Variants in RBFOX1 observed in about 807,000 individuals in gnomAD.
The protein encoded by RBFOX1 is RNA binding fox-1 homolog 1.
Under a neutral mutation model 57.7 loss-of-function variants are expected in RBFOX1, and 8 were observed. The ratio of observed to expected loss-of-function variants is 0.14; its 90% confidence interval spans 0.08 to 0.25. RBFOX1 has a LOEUF of 0.25. Among genes scored for constraint, RBFOX1 ranks in the 10% least tolerant of loss-of-function variants. The pLI is 1.00. For synonymous variants in RBFOX1, 326 were observed against 222.4 expected (o/e 1.47, Z -4.15); for missense variants, 611 against 548.5 (o/e 1.11, Z -1.14).
At chr16:7,662,745 C>G (rs1020899248) in intron 12 of RBFOX1, among the ~76,000 whole-genome samples, 2 of 152,306 alleles carry the variant, frequency 1.3e-5, no homozygotes, top group Admixed American at 6.5e-5. Flanking sequence ...ATGGTGACCT[C>G]GTTAGAGCTA....
chr16:7,184,153 A>T (rs1216446403), intron 4 of RBFOX1, among the ~76,000 whole-genome samples: 1 of 152,206 alleles, frequency 6.6e-6, no homozygotes, highest in East Asian at 1.9e-4. Flanking sequence ...TTTGAAGATC[A>T]TAAAAAGAGT....
intron 4 of RBFOX1, among the ~76,000 whole-genome samples, chr16:5,945,814 C>T (rs771290844): frequency 3.3e-5 from 5 of 152,164 alleles, no homozygotes; most frequent in Non-Finnish European, 7.3e-5. Context: ...CTGCTCAGAC[C>T]ATCTGGGCAT....
intron 4 of RBFOX1, among the ~76,000 whole-genome samples, chr16:7,063,342 GTATCAGTATCAAAGATA>G (rs1321821903): frequency 6.6e-6 from 1 of 152,060 alleles, no homozygotes; most frequent in African/African-American, 2.4e-5. Context: ...TAAAGGATCT[GTATCAGTATCAAAGATA>G]TATCAGTATC....
intron 3 of RBFOX1, among the ~76,000 whole-genome samples, chr16:6,949,212 G>A (rs1263772587): frequency 6.6e-6 from 1 of 152,002 alleles, no homozygotes; most frequent in African/African-American, 2.4e-5. Context: ...CTAAATTCCA[G>A]GATATAGAAA....
intron 4 of RBFOX1, among the ~76,000 whole-genome samples, chr16:7,390,637 G>T (rs1482410556): frequency 1.3e-5 from 2 of 152,178 alleles, no homozygotes; most frequent in Non-Finnish European, 2.9e-5. Context: ...TTCGGATTGT[G>T]TGAGGGATGG....
At chr16:5,941,310 T>C (rs1438171592) in intron 4 of RBFOX1, among the ~76,000 whole-genome samples, 3 of 151,972 alleles carry the variant, frequency 2.0e-5, no homozygotes. Context: ...GGCAACGTAG[T>C]GAGATCTTAT....
At chr16:7,218,081 G>T (rs113027730) in intron 4 of RBFOX1, among the ~76,000 whole-genome samples, 1 of 55,020 alleles carries the variant, frequency 1.8e-5, no homozygotes, top group South Asian at 6.1e-4. Context: ...GTGTGCGTCT[G>T]TGTGTGTGTG....
chr16:5,751,076 G>A (rs530936710), intron 3 of RBFOX1, among the ~76,000 whole-genome samples: 1 of 152,274 alleles, frequency 6.6e-6, no homozygotes, highest in Admixed American at 6.5e-5. Flanking sequence ...CTTCTGACCT[G>A]AAGAGATCTG....
intron 4 of RBFOX1, among the ~76,000 whole-genome samples, chr16:6,009,830 G>GTGTGTGTGTGTGTGTGTC (rs1397242991): frequency 6.6e-6 from 1 of 152,132 alleles, no homozygotes; most frequent in Non-Finnish European, 1.5e-5. Flanking sequence ...GTGTGTGTGT[G>GTGTGTGTGTGTGTGTGTC]TGTGTATAGG....
intron 3 of RBFOX1, among the ~76,000 whole-genome samples, chr16:5,722,443 A>G (rs2051969948): frequency 6.6e-6 from 1 of 152,180 alleles, no homozygotes; most frequent in Non-Finnish European, 1.5e-5. Context: ...TTCTGCACAC[A>G]TTTGCTGTAG....
chr16:6,878,031 C>T (rs756942797), intron 3 of RBFOX1, among the ~76,000 whole-genome samples: 1 of 152,008 alleles, frequency 6.6e-6, no homozygotes, highest in South Asian at 2.1e-4. Context: ...GTTGTTGCCT[C>T]TAAGAGGGAT....
At chr16:5,249,960 C>G (rs58351526) in intron 1 of RBFOX1, among the ~76,000 whole-genome samples, 21,210 of 142,396 alleles carry the variant, frequency 0.15, 1,800 homozygotes, top group East Asian at 0.32. Context: ...CAGTGAGGAG[C>G]AGGTTGCAGT....
At chr16:6,278,686 T>A (rs1293739848) in intron 1 of RBFOX1, among the ~76,000 whole-genome samples, 1 of 152,190 alleles carries the variant, frequency 6.6e-6, no homozygotes, top group Non-Finnish European at 1.5e-5. Flanking sequence ...CATAATCCTT[T>A]ATTTGTTATT....
intron 3 of RBFOX1, among the ~76,000 whole-genome samples, chr16:6,941,876 T>A (rs953174461): frequency 6.6e-6 from 1 of 152,090 alleles, no homozygotes; most frequent in African/African-American, 2.4e-5. Context: ...AGTGCAATCA[T>A]AACTCACTGT....
At chr16:6,962,918 G>T (rs1304734871) in intron 3 of RBFOX1, among the ~76,000 whole-genome samples, 1 of 151,872 alleles carries the variant, frequency 6.6e-6, no homozygotes, top group African/African-American at 2.4e-5. Context: ...GGGTGATTTG[G>T]GTGGGCTGGG....
At chr16:5,926,034 C>T (rs2058934340) in intron 4 of RBFOX1, among the ~76,000 whole-genome samples, 1 of 152,178 alleles carries the variant, frequency 6.6e-6, no homozygotes, top group African/African-American at 2.4e-5. Context: ...GGTTCCCTTG[C>T]TCACTTGGGT....
chr16:7,180,292 G>A (rs1481195305), intron 4 of RBFOX1, among the ~76,000 whole-genome samples: 1 of 152,078 alleles, frequency 6.6e-6, no homozygotes, highest in African/African-American at 2.4e-5. Flanking sequence ...TCTAGGGAGG[G>A]TGCTATAATT....
chr16:7,670,380 A>G (rs995784453), intron 13 of RBFOX1, among the ~76,000 whole-genome samples: 10 of 152,314 alleles, frequency 6.6e-5, no homozygotes, highest in African/African-American at 2.4e-4. Context: ...TTGTCCAAAA[A>G]TCTTCAGACA....
intron 3 of RBFOX1, among the ~76,000 whole-genome samples, chr16:6,918,007 C>A (rs569346226): frequency 1.3e-3 from 196 of 152,246 alleles, no homozygotes; most frequent in Non-Finnish European, 2.0e-3. Flanking sequence ...ACATTTGTGG[C>A]CAGGTACATT....
Sources: allele counts gnomAD v4.1 joint callset (sites outside exome capture counted in the v4.1 genomes callset), GRCh38; gene constraint gnomAD v4.1.1; transcripts MANE v1.5; gene names NCBI Gene and HGNC (gene_info 2026-07-23, HGNC 2026-07-21).